Variants in UBR3 observed in about 807,000 individuals in gnomAD.
UBR3 encodes E3 ubiquitin-protein ligase UBR3.
A neutral mutation model predicts 243.2 loss-of-function variants in UBR3; 85 were observed. The observed-to-expected ratio is 0.35, with a 90% CI of 0.29 to 0.42. UBR3 has a LOEUF of 0.42. Ranked by LOEUF, UBR3 falls within the 10% of genes least tolerant of loss-of-function variation. UBR3 has a pLI of 1.00. For missense variants in UBR3, 1,686 were observed against 2,300.8 expected (o/e 0.73, Z 5.47); for synonymous variants, 748 against 799.8 (o/e 0.94, Z 1.09).
At chr2:169,985,765 C>G (rs976323380) in intron 24 of UBR3, among the ~76,000 whole-genome samples, 4 of 152,064 alleles carry the variant, frequency 2.6e-5, no homozygotes, top group African/African-American at 9.7e-5. Context: ...CTCAGTCATT[C>G]TTCATAAGTA....
At chr2:169,976,800 C>T (rs566286700) in intron 24 of UBR3, among the ~76,000 whole-genome samples, 71 of 152,218 alleles carry the variant, frequency 4.7e-4, no homozygotes, top group African/African-American at 1.6e-3. Flanking sequence ...GTCCATATTT[C>T]TTCCCAGGCT....
At position 170,022,007 on chromosome 2, in the gene UBR3, A is replaced by G. The variant is rs7608752; in HGVS notation, c.4453+6641A>G. Among the ~76,000 whole-genome samples the G allele has an allele frequency of 9.2e-3, 1,400 of 152,210 alleles. 23 individuals carry two copies. Among genetic ancestry groups the G allele is most frequent in the African/African-American group, 0.032 (1,310 of 41,542 alleles). ...GTTAGATAGGACAAACTCTACCCCC[A>G]TTTTAAACGAGGTGCTTAAATAAGA... On this transcript the variant is annotated intron_variant, in intron 30 of 38. Coordinates refer to ENST00000272793, the MANE Select transcript of UBR3 (RefSeq NM_172070.4).
intron 24 of UBR3, among the ~76,000 whole-genome samples, chr2:169,983,252 C>CTTTTTTTTTTTTTTTTT (rs72194627): frequency 1.1e-4 from 8 of 71,988 alleles, no homozygotes; most frequent in African/African-American, 4.7e-4. Context: ...ATTCTCTCTC[C>CTTTTTTTTTTTTTTTTT]TTTTTTTTTT....
chr2:169,939,147 A>G (rs922719323), intron 19 of UBR3, among the ~76,000 whole-genome samples: 4 of 151,974 alleles, frequency 2.6e-5, no homozygotes, highest in African/African-American at 9.7e-5. Context: ...TAGGTGTCAT[A>G]TGAGATGATT....
Position 169,924,091 on chromosome 2 carries a change from A to G in UBR3, c.1940A>G (p.Lys647Arg). ...YYAMFLSKAV[K>R]CQELDLDSVL... is the part of the protein sequence containing the mutation. ...TTTTATTGTAATTTTTAGGCTGTGA[A>G]ATGTCAAGAACTAGATTTGGATTCT... Residue 647 changes from lysine (K) to arginine (R), a missense_variant, in exon 13 of 39, where the codon AAA becomes AGA. Around this residue, in one of 8 missense-constraint regions of UBR3, gnomAD observed 346 missense variants for 585.8 expected, o/e 0.59. Coordinates refer to ENST00000272793, the MANE Select transcript of UBR3 (RefSeq NM_172070.4). 6.5e-7 allele frequency: 1 copy of G among 1,539,274 alleles called. No individual in the cohort carries two copies. Among genetic ancestry groups the G allele is most frequent in the Non-Finnish European group, 8.7e-7 (1 of 1,143,808 alleles).
In UBR3 at chr2:170,007,068, G is replaced by A. The variant is rs1361585801; in HGVS notation, c.4108G>A (p.Val1370Ile). The A allele has an allele frequency of 6.2e-7, 1 of 1,613,628 alleles. No individual in the cohort carries two copies. The highest frequency in any genetic ancestry group is 2.2e-5 in the East Asian group (1 of 44,834). The change falls in exon 28 of 39, where the codon GTT becomes ATT. Residue 1370 changes from valine (V) to isoleucine (I), a missense_variant. Val to Ile is a conservative substitution (Grantham distance 29). Coordinates refer to ENST00000272793, the MANE Select transcript of UBR3 (RefSeq NM_172070.4). ...CPLCRQFANS[V>I]LPCYPGSNVE... Reference sequence around the variant, plus strand: ...ACTCTGTAGGCAGTTTGCTAACAGTGTTCTTCCATGTTATCCTGGAAGCAA... The same window carrying A: ...ACTCTGTAGGCAGTTTGCTAACAGTATTCTTCCATGTTATCCTGGAAGCAA...
intron 32 of UBR3, among the ~76,000 whole-genome samples, chr2:170,046,550 A>C (rs2091092892): frequency 6.6e-6 from 1 of 152,114 alleles, no homozygotes; most frequent in Admixed American, 6.6e-5. Context: ...TCAGTTTCTT[A>C]TTTCTTTTTA....
At chr2:169,948,081 T>A in intron 22 of UBR3, 1 of 192,064 alleles carries the variant, frequency 5.2e-6, no homozygotes, top group Non-Finnish European at 7.2e-6. Context: ...TTATGTGTGT[T>A]TTTTTTTTTT....
chr2:169,943,174 T>C (rs753006211), intron 20 of UBR3, among the ~76,000 whole-genome samples: 4 of 152,214 alleles, frequency 2.6e-5, no homozygotes, highest in Non-Finnish European at 4.4e-5. Flanking sequence ...ATTTGTTTTA[T>C]TTTGGGATCT....
chr2:170,062,657 T>G (rs929484118), intron 35 of UBR3, among the ~76,000 whole-genome samples: 3 of 152,328 alleles, frequency 2.0e-5, no homozygotes, highest in African/African-American at 7.2e-5. Flanking sequence ...AAAATCAACT[T>G]CTTTTACCAC....
intron 24 of UBR3, chr2:169,964,328 A>G: frequency 4.5e-6 from 2 of 441,802 alleles, no homozygotes; most frequent in Admixed American, 5.2e-5. Flanking sequence ...AATTTTAAGA[A>G]CTAAGAGAAA....
At chr2:169,902,989 T>C (rs2084888339) in intron 8 of UBR3, among the ~76,000 whole-genome samples, 1 of 152,222 alleles carries the variant, frequency 6.6e-6, no homozygotes, top group African/African-American at 2.4e-5. Flanking sequence ...CCTTATCACA[T>C]TCTGCCTTCT....
chr2:169,892,039 G>T (rs2084396605), intron 6 of UBR3, among the ~76,000 whole-genome samples: 1 of 152,172 alleles, frequency 6.6e-6, no homozygotes, highest in Non-Finnish European at 1.5e-5. Context: ...TTCTGCTGTT[G>T]ATTAAGTGTA....
In UBR3 at chr2:169,912,401, T is replaced by G. The variant is rs573429135; in HGVS notation, c.1780-1659T>G. Among the ~76,000 whole-genome samples the G allele has an allele frequency of 2.0e-5, 3 of 152,274 alleles. No individual in the cohort carries two copies. The East Asian group carries it at 5.8e-4, about 29-fold the overall frequency. On this transcript the variant is annotated intron_variant, in intron 10 of 38. Coordinates refer to ENST00000272793, the MANE Select transcript of UBR3 (RefSeq NM_172070.4). ...CTCATCTCTTGGAAACCACTAATCT[T>G]CTTTCAACCTTTATAAATCTACCTA...
chr2:170,033,414 C>A (rs576307709), intron 31 of UBR3, among the ~76,000 whole-genome samples: 1 of 152,004 alleles, frequency 6.6e-6, no homozygotes, highest in East Asian at 1.9e-4. Context: ...TTAGAAAAGT[C>A]AATTAACATG....
intron 1 of UBR3, among the ~76,000 whole-genome samples, chr2:169,850,978 C>G (rs1192390604): frequency 6.6e-6 from 1 of 152,072 alleles, no homozygotes. Flanking sequence ...TACATTTCTG[C>G]TTTTCTACTT....
At chr2:169,841,884 A>G (rs1434350818) in intron 1 of UBR3, among the ~76,000 whole-genome samples, 4 of 152,206 alleles carry the variant, frequency 2.6e-5, no homozygotes, top group African/African-American at 4.8e-5. Context: ...CACGGTGCCC[A>G]GTCCCGTCGA....
intron 1 of UBR3, among the ~76,000 whole-genome samples, chr2:169,841,038 T>C (rs1052982275): frequency 6.6e-6 from 1 of 152,150 alleles, no homozygotes; most frequent in African/African-American, 2.4e-5. Flanking sequence ...GTCTCAAAGA[T>C]CTCAACAGCT....
intron 24 of UBR3, among the ~76,000 whole-genome samples, chr2:169,960,591 TTAATA>T (rs1283033367): frequency 2.0e-5 from 3 of 152,104 alleles, no homozygotes; most frequent in Non-Finnish European, 4.4e-5. Flanking sequence ...TTTTACATGT[TTAATA>T]TAATTACAAT....
Sources: gnomAD v4.1 joint callset for allele counts (sites outside exome capture counted in the v4.1 genomes callset) on GRCh38, gnomAD v4.1.1 for gene constraint, gnomAD v4.1.1 regional missense constraint, MANE v1.5 for transcripts, NCBI Gene and HGNC (gene_info 2026-07-23, HGNC 2026-07-21) for gene names.